CFAP251: variants seen among roughly 807,000 people sequenced by gnomAD.
CFAP251 encodes cilia and flagella associated protein 251.
In CFAP251, 93 loss-of-function variants were observed where a neutral mutation model predicts 126.7. The observed-to-expected ratio is 0.73, with a 90% CI of 0.62 to 0.87. CFAP251 has a LOEUF of 0.87. Among genes scored for constraint, CFAP251 ranks in the 40% least tolerant of loss-of-function variants. CFAP251 has a pLI of 0.00. For synonymous variants in CFAP251, 503 were observed against 506.9 expected (o/e 0.99, Z 0.10); for missense variants, 1,287 against 1,389.2 (o/e 0.93, Z 1.17).
intron 19 of CFAP251, among the ~76,000 whole-genome samples, chr12:121,976,752 C>G (rs1309863449): frequency 6.6e-6 from 1 of 151,986 alleles, no homozygotes; most frequent in Non-Finnish European, 1.5e-5. Context: ...ACCCATCCCC[C>G]CCAAAAAATT....
At chr12:121,992,566 T>A in intron 19 of CFAP251, 1 of 857,282 alleles carries the variant, frequency 1.2e-6, no homozygotes, top group Non-Finnish European at 1.4e-6. Flanking sequence ...TTATATATAT[T>A]ATTTCTTTTT....
At chr12:122,001,359 A>T (rs1883144652) in intron 20 of CFAP251, 138 bp from the exon 21 acceptor site, 6 of 791,192 alleles carry the variant, frequency 7.6e-6, no homozygotes, top group Admixed American at 2.2e-5. Context: ...CCCAGCCTAA[A>T]TTTTTTTTTC....
intron 15 of CFAP251, among the ~76,000 whole-genome samples, chr12:121,965,145 T>G (rs1882078074): frequency 6.6e-6 from 1 of 152,162 alleles, no homozygotes; most frequent in Non-Finnish European, 1.5e-5. Flanking sequence ...AAAAAAGATT[T>G]GAAAGAACAT....
chr12:121,958,190 TATGTGCA>T, intron 11 of CFAP251, 75 bp from the exon 12 acceptor site: 1 of 1,567,894 alleles, frequency 6.4e-7, no homozygotes, highest in Non-Finnish European at 8.7e-7. Flanking sequence ...AGAGGCGTTT[TATGTGCA>T]ATTAGAAGCA....
chr12:121,942,489 C>G (rs1442958738), intron 5 of CFAP251, 45 bp from the exon 6 acceptor site: 3 of 1,449,116 alleles, frequency 2.1e-6, no homozygotes, highest in Non-Finnish European at 1.9e-6. Flanking sequence ...TCTGGGAAGC[C>G]AGGGAGACCT....
Position 121,974,562 on chromosome 12 carries a change from A to G in CFAP251, c.2772-682A>G, listed in dbSNP as rs1174746818. On this transcript the variant is annotated intron_variant, in intron 17 of 21. Coordinates refer to ENST00000288912, the MANE Select transcript of CFAP251 (RefSeq NM_144668.6). The surrounding 1 kb of genome is among the most constrained non-coding windows in gnomAD (Gnocchi z 4.6). ...TCCCCACTTCCCCACTGTGGTCTAC[A>G]TGAGGTGTGCTTGATGTCGCAGCAA... 6.6e-6 allele frequency among the ~76,000 whole-genome samples: 1 copy of G among 152,114 alleles called. No individual in the cohort carries two copies. Among genetic ancestry groups the G allele is most frequent in the Non-Finnish European group, 1.5e-5 (1 of 68,016 alleles).
In CFAP251 at chr12:121,994,623, C is replaced by T. The variant is rs1156843044; in HGVS notation, c.3007-5093C>T. Among the ~76,000 whole-genome samples, 20 of 32,490 alleles carry T rather than the reference C, an allele frequency of 6.2e-4. 1 individual carries two copies. In the South Asian group the frequency reaches 0.013, roughly 21 times the overall value. 21.3% of individuals were successfully genotyped at this position (32,490 alleles called of 152,430 possible). A position where few individuals can be genotyped will look rare whatever the true frequency, so the allele number is the denominator to read the frequency against. ...TTTTGTTCTGCACTAAGAAAAATTCCTCTGCCTTGGGATCCTGTTGATCTG... is the reference window on the plus strand; with the variant it reads ...TTTTGTTCTGCACTAAGAAAAATTCTTCTGCCTTGGGATCCTGTTGATCTG... On this transcript the variant is annotated intron_variant, in intron 19 of 21. Coordinates refer to ENST00000288912, the MANE Select transcript of CFAP251 (RefSeq NM_144668.6).
In CFAP251 at chr12:121,942,883, T is replaced by C. The variant is rs1881179681; in HGVS notation, c.1111-12T>C. The C allele has an allele frequency of 1.9e-6, 3 of 1,614,054 alleles. No individual in the cohort carries two copies. The highest frequency in any genetic ancestry group is 8.5e-7 in the Non-Finnish European group (1 of 1,179,918). ...GACCTTCTCATGCCCCTCTCTCTACTGTCACCTACAGAAGGTATGCATCTG... is the reference window on the plus strand; with the variant it reads ...GACCTTCTCATGCCCCTCTCTCTACCGTCACCTACAGAAGGTATGCATCTG... On this transcript the variant is annotated splice_polypyrimidine_tract_variant and intron_variant, in intron 6 of 21. Coordinates refer to ENST00000288912, the MANE Select transcript of CFAP251 (RefSeq NM_144668.6).
intron 9 of CFAP251, chr12:121,952,652 T>C (rs927038877): frequency 2.6e-5 from 4 of 152,162 alleles, no homozygotes; most frequent in Non-Finnish European, 5.9e-5. Flanking sequence ...TTTTCTGCAT[T>C]TGCTGCCCAT....
chr12:121,986,230 G>T lies in CFAP251; in HGVS notation c.3006+10545G>T, dbSNP rs1007739980. Among the ~76,000 whole-genome samples, 11 of 151,820 alleles carry T rather than the reference G, an allele frequency of 7.2e-5. 1 individual carries two copies. In the East Asian group the frequency reaches 2.1e-3, roughly 29 times the overall value. ...TGGTCTCGAACTCCTCACCTCAGAT[G>T]ATCCTCCCACCTTGGCCTCCCAAAG... On this transcript the variant is annotated intron_variant, in intron 19 of 21. Transcript: ENST00000288912.
intron 7 of CFAP251, among the ~76,000 whole-genome samples, chr12:121,946,525 G>A (rs904486587): frequency 6.6e-6 from 1 of 152,096 alleles, no homozygotes; most frequent in African/African-American, 2.4e-5. Context: ...TGAATGTTGT[G>A]TGTCTCTCTC....
Position 121,921,439 on chromosome 12 carries a change from T to C in CFAP251, c.134T>C (p.Ile45Thr). 6.2e-7 allele frequency: 1 copy of C among 1,611,198 alleles called. No individual in the cohort carries two copies. Among genetic ancestry groups the C allele is most frequent in the Non-Finnish European group, 8.5e-7 (1 of 1,179,518 alleles). The stretch of plus-strand genomic sequence containing the variant: ...CAACAGGAATCAAAAGATGACACAA[T>C]AGCATGGAGAGAGTCTCAGGAGGAG... ...DPQQESKDDT[I>T]AWRESQEEER... The change falls in exon 2 of 22, where the codon ATA (isoleucine) becomes ACA (threonine). Residue 45 changes from isoleucine (I) to threonine (T), a missense_variant. Physicochemically the swap from Ile to Thr is moderately conservative, Grantham distance 89. Transcript: ENST00000288912.
intron 5 of CFAP251, among the ~76,000 whole-genome samples, chr12:121,938,998 AT>A (rs1881000806): frequency 6.6e-6 from 1 of 150,588 alleles, no homozygotes; most frequent in African/African-American, 2.4e-5. Flanking sequence ...AAAAAAAAAA[AT>A]TAATGAAAAC....
chr12:121,959,287 A>G (rs1881843539), intron 13 of CFAP251, 193 bp downstream of exon 13: 3 of 550,950 alleles, frequency 5.4e-6, no homozygotes, highest in Middle Eastern at 4.8e-4. Context: ...AACACTTTTT[A>G]AAAATTAGCC....
In CFAP251 at chr12:121,989,432, C is replaced by A. The variant is rs10431199; in HGVS notation, c.3007-10284C>A. ...CCCCACTCCTGGAAAAAGAGGCAGT[C>A]GCCATCCAGATCTAGTTCCTGGAGG... On this transcript the variant is annotated intron_variant, in intron 19 of 21. Coordinates refer to ENST00000288912, the MANE Select transcript of CFAP251 (RefSeq NM_144668.6). This position sits in a 1 kb window ranked among gnomAD's most constrained non-coding sequence, Gnocchi z 4.2. Among the ~76,000 whole-genome samples, 16,570 of 152,226 alleles carry A rather than the reference C, an allele frequency of 0.11. 1,955 individuals carry two copies. The highest frequency in any genetic ancestry group is 0.3 in the African/African-American group (12,440 of 41,510).
chr12:121,947,164 G>A (rs1339222348), intron 7 of CFAP251, among the ~76,000 whole-genome samples: 2 of 152,092 alleles, frequency 1.3e-5, no homozygotes, highest in African/African-American at 2.4e-5. Flanking sequence ...GCTTCAGTCT[G>A]AATGTTTTCT....
chr12:121,943,105 G>A (rs967258169), intron 7 of CFAP251, 130 bp downstream of exon 7: 6 of 903,514 alleles, frequency 6.6e-6, no homozygotes, highest in African/African-American at 6.6e-5. Flanking sequence ...TTGAGGTCAG[G>A]AGTTCAAGGC....
In CFAP251 at chr12:121,923,900, C is replaced by T; in HGVS notation, c.657C>T (p.Ser219=). The T allele has an allele frequency of 3.7e-6, 6 of 1,614,034 alleles. No homozygotes were observed. Among genetic ancestry groups the T allele is most frequent in the Non-Finnish European group, 5.1e-6 (6 of 1,180,016 alleles). Residue 219 remains serine (S), a synonymous_variant, in exon 3 of 22, where the codon TCC becomes TCT. Coordinates refer to ENST00000288912, the MANE Select transcript of CFAP251 (RefSeq NM_144668.6). The stretch of plus-strand genomic sequence containing the variant: ...AAAGGAGAGTATCCGACATCCAGTC[C>T]AAAGCAGGGATCTCCCGGGAGTCAC... ...GQERRVSDIQ[S]KAGISRESLV...
chr12:121,991,199 T>G (rs1171868463), intron 19 of CFAP251, among the ~76,000 whole-genome samples: 1 of 152,174 alleles, frequency 6.6e-6, no homozygotes, highest in South Asian at 2.1e-4. Flanking sequence ...ATCTATCCAT[T>G]CAGTAAACAT....
Sources: allele counts gnomAD v4.1 joint callset (sites outside exome capture counted in the v4.1 genomes callset), GRCh38; gene constraint gnomAD v4.1.1; non-coding constraint Gnocchi (gnomAD v3.1); transcripts MANE v1.5; gene names NCBI Gene and HGNC (gene_info 2026-07-23, HGNC 2026-07-21).